MICAL2: variants seen among roughly 807,000 people sequenced by gnomAD.
MICAL2 encodes microtubule associated monooxygenase, calponin and LIM domain containing 2, also known as [F-actin]-monooxygenase MICAL2.
MICAL2 carries 77 observed loss-of-function variants against 127.3 expected under a neutral mutation model. The observed-to-expected ratio is 0.60, with a 90% CI of 0.50 to 0.73. The LOEUF (loss-of-function observed/expected upper bound fraction) is 0.73. MICAL2 is among the 30% of genes least tolerant of loss of function. The pLI, the probability that MICAL2 is intolerant of heterozygous loss-of-function variation, is 0.00. For synonymous variants in MICAL2, 570 were observed against 551.1 expected (o/e 1.03, Z -0.48); for missense variants, 1,351 against 1,434.4 (o/e 0.94, Z 0.94).
intron 26 of MICAL2, chr11:12,261,887 T>C (rs1863164067): frequency 1.0e-6 from 1 of 986,128 alleles, no homozygotes. Context: ...TGATTCCTTT[T>C]GTTTGAGTAT....
intron 18 of MICAL2, 128 bp downstream of exon 18, chr11:12,241,290 T>C: frequency 8.5e-7 from 1 of 1,178,290 alleles, no homozygotes; most frequent in Non-Finnish European, 1.2e-6. Context: ...CACACCTTGA[T>C]GTCACCACAC....
intron 3 of MICAL2, among the ~76,000 whole-genome samples, chr11:12,195,606 G>C (rs1375738168): frequency 6.6e-6 from 1 of 151,110 alleles, no homozygotes. Flanking sequence ...AAAAGTAGAT[G>C]CTGGAAATAT....
chr11:12,242,405 G>A lies in MICAL2; in HGVS notation c.2529G>A (p.Leu843=), dbSNP rs750267445. The A allele has an allele frequency of 5.6e-6, 9 of 1,608,306 alleles. No individual in the cohort carries two copies. In the African/African-American group the frequency reaches 9.4e-5, roughly 17 times the overall value. ...CTCTTTCCGGGGTGCTGTGGCGGCT[G>A]CAGCAAGTGGAGGAAAAGATTCTCC... ...AQALSGVLWR[L]QQVEEKILQK... Residue 843 remains leucine (L), a synonymous_variant, in exon 19 of 28, where the codon CTG becomes CTA. Coordinates refer to ENST00000683283, the MANE Select transcript of MICAL2 (RefSeq NM_001282663.2).
chr11:12,164,870 C>T (rs1251591868), intron 3 of MICAL2, among the ~76,000 whole-genome samples: 2 of 152,312 alleles, frequency 1.3e-5, no homozygotes, highest in African/African-American at 4.8e-5. Flanking sequence ...CGTCGCGGCT[C>T]ACGCCTGTAA....
rs199648069 is a variant in MICAL2, at chr11:12,204,482, C to T, written c.472+25C>T. 3,883 of 1,609,140 alleles carry T rather than the reference C, an allele frequency of 2.4e-3. 10 individuals carry two copies. Among genetic ancestry groups the T allele is most frequent in the Non-Finnish European group, 2.9e-3 (3,423 of 1,175,760 alleles). On this transcript the variant is annotated intron_variant, in intron 4 of 27. Transcript: ENST00000683283. Reference sequence around the variant, plus strand: ...AGTGAGTGGAGTCTATGGTGATATCCCATGAAGGGAGGGGACTGACCCTGG... The same window carrying T: ...AGTGAGTGGAGTCTATGGTGATATCTCATGAAGGGAGGGGACTGACCCTGG...
In MICAL2 at chr11:12,238,295, A is replaced by G. The variant is rs149924421; in HGVS notation, c.2065-1141A>G. Among the ~76,000 whole-genome samples the G allele has an allele frequency of 9.1e-3, 1,393 of 152,348 alleles. 84 individuals are homozygous for G. The highest frequency in any genetic ancestry group is 0.08 in the Admixed American group (1,225 of 15,294). On this transcript the variant is annotated intron_variant, in intron 16 of 27. Transcript: ENST00000683283. ...GAGATCCCGTAGTAAGGGGGAACAG[A>G]CGTTCTTAGTAAACAGTGGTCATTT...
intron 31 of MICAL2, among the ~76,000 whole-genome samples, chr11:12,324,494 A>G (rs1482535716): frequency 6.6e-6 from 1 of 152,200 alleles, no homozygotes; most frequent in Non-Finnish European, 1.5e-5. Context: ...GATTAGTTGA[A>G]ATCATAAGTA....
At chr11:12,226,122 A>G in intron 13 of MICAL2, 49 bp from the exon 14 acceptor site, 2 of 1,593,626 alleles carry the variant, frequency 1.3e-6, no homozygotes, top group Non-Finnish European at 1.7e-6. Flanking sequence ...AGCTCGCCAC[A>G]CCTCTGCCTC....
At chr11:12,294,278 C>A (rs1433315088), downstream of MICAL2, 1 of 1,614,144 alleles carries the variant, frequency 6.2e-7, no homozygotes, top group Admixed American at 1.7e-5. Context: ...GTCTCTAGAG[C>A]CCCTCCTTTC....
chr11:12,358,403 G>T, exon 35 of MICAL2: 15 of 1,614,124 alleles, frequency 9.3e-6, no homozygotes, highest in Non-Finnish European at 1.3e-5. Context: ...GAGGAACAAC[G>T]CATCAGAGAA....
chr11:12,303,955 C>G (rs1466585173), intron 29 of MICAL2, among the ~76,000 whole-genome samples: 1 of 152,016 alleles, frequency 6.6e-6, no homozygotes, highest in South Asian at 2.1e-4. Flanking sequence ...CACTTAAGAC[C>G]AGGAGGTCGA....
At chr11:12,318,785 A>G (rs1864259227) in intron 29 of MICAL2, among the ~76,000 whole-genome samples, 1 of 152,184 alleles carries the variant, frequency 6.6e-6, no homozygotes, top group Non-Finnish European at 1.5e-5. Context: ...CTTGCTGAGA[A>G]GAATAAAAGC....
At chr11:12,269,792 C>G (rs1863654036) in intron 24 of MICAL2, among the ~76,000 whole-genome samples, 1 of 152,246 alleles carries the variant, frequency 6.6e-6, no homozygotes, top group South Asian at 2.1e-4. Flanking sequence ...TTGAATGACG[C>G]CTGGCTTGTG....
intron 33 of MICAL2, among the ~76,000 whole-genome samples, chr11:12,352,219 A>G (rs1218275295): frequency 6.6e-6 from 1 of 152,250 alleles, no homozygotes; most frequent in Admixed American, 6.5e-5. Context: ...TGAATGATAA[A>G]TTGTAAAAAC....
intron 31 of MICAL2, among the ~76,000 whole-genome samples, chr11:12,325,874 T>G (rs1192909612): frequency 6.6e-6 from 1 of 152,234 alleles, no homozygotes; most frequent in African/African-American, 2.4e-5. Flanking sequence ...AATAAAGCCA[T>G]TTAGGTGCTT....
chr11:12,222,994 C>T (rs1700895161), intron 11 of MICAL2, among the ~76,000 whole-genome samples: 1 of 152,172 alleles, frequency 6.6e-6, no homozygotes, highest in Admixed American at 6.5e-5. Flanking sequence ...TATATTGTCA[C>T]TATGCATATG....
chr11:12,168,622 A>G (rs1390833812), intron 3 of MICAL2, among the ~76,000 whole-genome samples: 4 of 151,658 alleles, frequency 2.6e-5, no homozygotes, highest in Non-Finnish European at 5.9e-5. Context: ...ACTTATCTAT[A>G]TATTTCCATA....
intron 2 of MICAL2, among the ~76,000 whole-genome samples, chr11:12,150,506 G>C (rs780203438): frequency 2.6e-5 from 4 of 152,130 alleles, no homozygotes; most frequent in Non-Finnish European, 5.9e-5. Flanking sequence ...AGATATAGCT[G>C]GGTTGCGAGC....
intron 22 of MICAL2, chr11:12,254,859 C>T (rs1017076225): frequency 6.8e-6 from 1 of 148,048 alleles, no homozygotes; most frequent in East Asian, 2.0e-4. Flanking sequence ...TTTTTTTCCT[C>T]GAATTTTTTT....
Sources: gnomAD v4.1 joint callset for allele counts (sites outside exome capture counted in the v4.1 genomes callset) on GRCh38, gnomAD v4.1.1 for gene constraint, MANE v1.5 for transcripts, NCBI Gene and HGNC (gene_info 2026-07-23, HGNC 2026-07-21) for gene names.